The following HDLBP variants were observed in gnomAD, a reference collection of about 807,000 sequenced individuals.
HDLBP encodes the protein high density lipoprotein binding protein, also known as vigilin.
A neutral mutation model predicts 137.3 loss-of-function variants in HDLBP; 30 were observed. The observed-to-expected ratio is 0.22, with a 90% CI of 0.16 to 0.30. The LOEUF (loss-of-function observed/expected upper bound fraction) is 0.30, where lower values mean the gene tolerates loss of function less well. Among genes scored for constraint, HDLBP ranks in the 10% least tolerant of loss-of-function variants. HDLBP has a pLI of 1.00. For missense variants in HDLBP, 1,119 were observed against 1,667.3 expected (o/e 0.67, Z 5.73); for synonymous variants, 606 against 596.0 (o/e 1.02, Z -0.24).
At chr2:241,277,983 A>G (rs71430323) in intron 1 of HDLBP, among the ~76,000 whole-genome samples, 1 of 152,090 alleles carries the variant, frequency 6.6e-6, no homozygotes, top group Non-Finnish European at 1.5e-5. Flanking sequence ...AAAAACAACA[A>G]CAACAAAATA....
At position 241,228,397 on chromosome 2, in the gene HDLBP, C is replaced by G. The variant is rs538734069; in HGVS notation, c.*1204G>C. The stretch of plus-strand genomic sequence containing the variant: ...TCTACCTCATGCTCTAGGCCCCATG[C>G]CATCGTCTCGGCCCTAGACCGTGAA... On this transcript the variant is annotated 3_prime_UTR_variant, in exon 28 of 28. Coordinates refer to ENST00000310931, the MANE Select transcript of HDLBP (RefSeq NM_005336.6). 3 of 152,460 alleles carry G rather than the reference C, an allele frequency of 2.0e-5. No homozygotes were observed. The highest frequency in any genetic ancestry group is 7.2e-5 in the African/African-American group (3 of 41,584). 9.4% of individuals were successfully genotyped at this position (152,460 alleles called of 1,614,324 possible).
At chr2:241,307,862 A>AC (rs1199778091) in intron 1 of HDLBP, among the ~76,000 whole-genome samples, 2 of 150,818 alleles carry the variant, frequency 1.3e-5, no homozygotes, top group East Asian at 3.9e-4. Flanking sequence ...TACTGATAGG[A>AC]CCCTTGAACT....
rs762439851 is a variant in HDLBP at position 241,230,933 on chromosome 2, T to C, written c.3300A>G (p.Gln1100=). Reference sequence around the variant, plus strand: ...TCTTTTCGTACCCTGTGATGGTAATTTGGTCCTGGGGCTAAAAAAGGAGAA... The same window carrying C: ...TCTTTTCGTACCCTGTGATGGTAATCTGGTCCTGGGGCTAAAAAAGGAGAA... ...DKDDGNQPQD[Q]ITITGYEKNT... is the part of the protein sequence containing the mutation. Residue 1100 remains glutamine, a synonymous_variant, in exon 25 of 28, where the codon CAA becomes CAG. Coordinates refer to ENST00000310931, the MANE Select transcript of HDLBP (RefSeq NM_005336.6). This position sits in a 1 kb window ranked among gnomAD's most constrained non-coding sequence, Gnocchi z 5.0. 8 of 1,613,008 alleles carry C rather than the reference T, an allele frequency of 5.0e-6. No individual in the cohort carries two copies. Among genetic ancestry groups the C allele is most frequent in the Non-Finnish European group, 6.8e-6 (8 of 1,179,170 alleles).
intron 1 of HDLBP, among the ~76,000 whole-genome samples, chr2:241,270,191 T>C (rs2073948351): frequency 6.6e-6 from 1 of 152,130 alleles, no homozygotes; most frequent in Non-Finnish European, 1.5e-5. Context: ...GACCCTATAC[T>C]GAAAGGAGTC....
chr2:241,232,139 C>T (rs1008046093), intron 24 of HDLBP, among the ~76,000 whole-genome samples: 1 of 152,228 alleles, frequency 6.6e-6, no homozygotes, highest in African/African-American at 2.4e-5. Context: ...TCAGGCACCA[C>T]CCGCGTGCTG....
Position 241,233,709 on chromosome 2 carries a change from C to G in HDLBP, c.3288+111G>C. 1 of 1,214,836 alleles carries G rather than the reference C, an allele frequency of 8.2e-7. No homozygotes were observed. Among genetic ancestry groups the G allele is most frequent in the African/African-American group, 1.5e-5 (1 of 66,020 alleles). The allele number at this position is 1,214,836 out of a possible 1,614,324, so 75.3% of individuals were successfully genotyped here. ...ATTAGGTCCTGAGAGACTTGCCACT[C>G]TCAACTTGGCCCTCGAACCCCCATC... On this transcript the variant is annotated intron_variant, in intron 24 of 27. Coordinates refer to ENST00000310931, the MANE Select transcript of HDLBP (RefSeq NM_005336.6). The surrounding 1 kb of genome is among the most constrained non-coding windows in gnomAD (Gnocchi z 4.3).
At chr2:241,284,014 G>C (rs753417692) in intron 1 of HDLBP, among the ~76,000 whole-genome samples, 1 of 142,140 alleles carries the variant, frequency 7.0e-6, no homozygotes, top group African/African-American at 2.6e-5. Flanking sequence ...TCACCGTTAA[G>C]ATCTACTGCC....
chr2:241,254,189 A>T (rs1168282008), intron 9 of HDLBP, among the ~76,000 whole-genome samples: 2 of 152,120 alleles, frequency 1.3e-5, no homozygotes, highest in East Asian at 3.9e-4. Flanking sequence ...CACTTGACCC[A>T]TGAGTTCAAG....
intron 24 of HDLBP, among the ~76,000 whole-genome samples, chr2:241,231,630 T>C (rs1422333944): frequency 2.0e-5 from 3 of 152,044 alleles, no homozygotes; most frequent in Admixed American, 2.0e-4. Flanking sequence ...GGAGGCATCT[T>C]TGTGCTGGAG....
intron 2 of HDLBP, chr2:241,267,681 G>T (rs545527961): frequency 2.0e-6 from 3 of 1,535,470 alleles, no homozygotes; most frequent in East Asian, 2.4e-5. Context: ...TCCAAATCTC[G>T]ACTTAACCAG....
At chr2:241,303,396 G>T (rs554644776) in intron 1 of HDLBP, among the ~76,000 whole-genome samples, 49 of 152,286 alleles carry the variant, frequency 3.2e-4, no homozygotes, top group African/African-American at 1.1e-3. Context: ...TGGAAGACTG[G>T]ACAAAGGAAT....
chr2:241,284,027 G>GAA (rs57210051), intron 1 of HDLBP, among the ~76,000 whole-genome samples: 430 of 147,990 alleles, frequency 2.9e-3, no homozygotes, highest in African/African-American at 7.4e-3. Flanking sequence ...CTACTGCCCA[G>GAA]AAAAAAAAAA....
rs561399277 is a variant in HDLBP at position 241,230,406 on chromosome 2, G to A, written c.3475-137C>T. 1.9e-3 allele frequency: 1,231 copies of A among 642,826 alleles called. No individual in the cohort carries two copies. Among genetic ancestry groups the A allele is most frequent in the Non-Finnish European group, 2.5e-3 (937 of 369,426 alleles). 39.8% of individuals were successfully genotyped at this position (642,826 alleles called of 1,614,324 possible). ...TGGTTTCAGAGTTGTTCTGAAGTCAGTCAGCCTCATCACCACACCAAGTTA... is the reference window on the plus strand; with the variant it reads ...TGGTTTCAGAGTTGTTCTGAAGTCAATCAGCCTCATCACCACACCAAGTTA... On this transcript the variant is annotated intron_variant, in intron 25 of 27. Coordinates refer to ENST00000310931, the MANE Select transcript of HDLBP (RefSeq NM_005336.6). The surrounding 1 kb of genome is among the most constrained non-coding windows in gnomAD (Gnocchi z 5.0).
intron 1 of HDLBP, among the ~76,000 whole-genome samples, chr2:241,302,394 C>CAA (rs34979901): frequency 2.6e-5 from 4 of 151,414 alleles, no homozygotes; most frequent in Non-Finnish European, 5.9e-5. Context: ...TCCATTTTGA[C>CAA]AAAAAAAATA....
In HDLBP at chr2:241,272,768, C is replaced by T. The variant is rs1170060791; in HGVS notation, c.-102-4227G>A. 9.9e-6 allele frequency: 3 copies of T among 303,012 alleles called. No homozygotes were observed. The highest frequency in any genetic ancestry group is 2.4e-5 in the African/African-American group (1 of 42,390). 18.8% of individuals were successfully genotyped at this position (303,012 alleles called of 1,614,324 possible). A position where few individuals can be genotyped will look rare whatever the true frequency, so the allele number is the denominator to read the frequency against. ...CCCGTGTTGCGCGCTCACTCGTGGGCCCCCGCCCGCTGGTCCTGCCGCTGG... is the reference window on the plus strand; with the variant it reads ...CCCGTGTTGCGCGCTCACTCGTGGGTCCCCGCCCGCTGGTCCTGCCGCTGG... On this transcript the variant is annotated intron_variant, in intron 1 of 27. Coordinates refer to ENST00000310931, the MANE Select transcript of HDLBP (RefSeq NM_005336.6). The surrounding 1 kb of genome is among the most constrained non-coding windows in gnomAD (Gnocchi z 5.6).
intron 1 of HDLBP, among the ~76,000 whole-genome samples, chr2:241,301,243 T>A (rs1286700230): frequency 6.6e-6 from 1 of 151,288 alleles, no homozygotes; most frequent in African/African-American, 2.4e-5. Context: ...CACCTAGGCC[T>A]CCCAAAGTGC....
intron 7 of HDLBP, among the ~76,000 whole-genome samples, chr2:241,255,862 C>T (rs759842030): frequency 1.3e-5 from 2 of 152,180 alleles, no homozygotes; most frequent in African/African-American, 2.4e-5. Context: ...CGTTTCAGAC[C>T]TCAAAGTTCA....
chr2:241,274,657 G>C (rs2149595470), intron 1 of HDLBP, among the ~76,000 whole-genome samples: 1 of 152,328 alleles, frequency 6.6e-6, no homozygotes, highest in South Asian at 2.1e-4. Flanking sequence ...AACACTGTTA[G>C]CAGAAGAGAT....
At chr2:241,280,404 A>C (rs1169177777) in intron 1 of HDLBP, among the ~76,000 whole-genome samples, 2 of 152,208 alleles carry the variant, frequency 1.3e-5, no homozygotes, top group Non-Finnish European at 2.9e-5. Flanking sequence ...AGTCTCACGA[A>C]AGTTCAGATG....
Sources: allele counts gnomAD v4.1 joint callset (sites outside exome capture counted in the v4.1 genomes callset), GRCh38; gene constraint gnomAD v4.1.1; non-coding constraint Gnocchi (gnomAD v3.1); transcripts MANE v1.5; gene names NCBI Gene and HGNC (gene_info 2026-07-23, HGNC 2026-07-21).